The following ANGPT1 variants were observed in gnomAD, a reference collection of about 807,000 sequenced individuals.
ANGPT1 encodes angiopoietin 1, also known as angiopoietin-1.
Under a neutral mutation model 62.2 loss-of-function variants are expected in ANGPT1, and 17 were observed. That is an observed-to-expected ratio of 0.27 (90% CI 0.19 to 0.41). ANGPT1 has a LOEUF of 0.41. Ranked by LOEUF, ANGPT1 falls within the 10% of genes least tolerant of loss-of-function variation. The pLI, the probability that ANGPT1 is intolerant of heterozygous loss-of-function variation, is 1.00. For synonymous variants in ANGPT1, 199 were observed against 198.9 expected, an observed-to-expected ratio of 1.00 and a Z score of 0.00; for missense variants, 478 against 594.9, an observed-to-expected ratio of 0.80 and a Z score of 2.04.
intron 1 of ANGPT1, among the ~76,000 whole-genome samples, chr8:107,355,397 A>G (rs1816021844): frequency 6.6e-6 from 1 of 152,156 alleles, no homozygotes; most frequent in Non-Finnish European, 1.5e-5. Context: ...TGCCATAGCC[A>G]GTGGGATCAA....
intron 1 of ANGPT1, among the ~76,000 whole-genome samples, chr8:107,466,859 C>A (rs1052919594): frequency 2.0e-5 from 3 of 152,078 alleles, no homozygotes; most frequent in Admixed American, 2.0e-4. Context: ...TTGCAGTGAG[C>A]AGCAACTATG....
chr8:107,300,471 G>A (rs1173195903), intron 5 of ANGPT1, among the ~76,000 whole-genome samples: 1 of 151,688 alleles, frequency 6.6e-6, no homozygotes, highest in Non-Finnish European at 1.5e-5. Flanking sequence ...GAACATCTAA[G>A]TCCAGAAGAA....
At chr8:107,282,608 T>C (rs1814043515) in intron 7 of ANGPT1, among the ~76,000 whole-genome samples, 1 of 129,908 alleles carries the variant, frequency 7.7e-6, no homozygotes, top group African/African-American at 2.8e-5. Flanking sequence ...GCCTCAGCTT[T>C]CCTTCCCATA....
chr8:107,387,525 C>G (rs1007481136), intron 1 of ANGPT1, among the ~76,000 whole-genome samples: 1 of 151,882 alleles, frequency 6.6e-6, no homozygotes, highest in Non-Finnish European at 1.5e-5. Context: ...TATAATATTA[C>G]CAATGGTACA....
chr8:107,427,587 T>A (rs1018696367), intron 1 of ANGPT1, among the ~76,000 whole-genome samples: 1 of 152,220 alleles, frequency 6.6e-6, no homozygotes, highest in African/African-American at 2.4e-5. Context: ...TTGCTCCCCT[T>A]GTCCATAACA....
intron 1 of ANGPT1, among the ~76,000 whole-genome samples, chr8:107,379,430 G>A (rs1816592716): frequency 6.6e-6 from 1 of 152,120 alleles, no homozygotes; most frequent in Non-Finnish European, 1.5e-5. Flanking sequence ...TTAGAACACT[G>A]CCTGAGATAG....
At chr8:107,409,684 C>T (rs1031070083) in intron 1 of ANGPT1, among the ~76,000 whole-genome samples, 3 of 151,564 alleles carry the variant, frequency 2.0e-5, no homozygotes, top group African/African-American at 7.3e-5. Context: ...CATATATTTG[C>T]ATTTTAATTA....
chr8:107,430,307 T>C (rs1424040326), intron 1 of ANGPT1, among the ~76,000 whole-genome samples: 1 of 152,174 alleles, frequency 6.6e-6, no homozygotes, highest in Non-Finnish European at 1.5e-5. Flanking sequence ...TGAGAGAATG[T>C]TTGCGTGGTT....
At chr8:107,257,235 T>C (rs1167213903) in intron 8 of ANGPT1, among the ~76,000 whole-genome samples, 2 of 152,242 alleles carry the variant, frequency 1.3e-5, no homozygotes, top group African/African-American at 4.8e-5. Flanking sequence ...ACCTCATGTA[T>C]ATTTTAATAA....
At chr8:107,302,466 T>C (rs796083194) in intron 5 of ANGPT1, among the ~76,000 whole-genome samples, 5 of 152,042 alleles carry the variant, frequency 3.3e-5, no homozygotes, top group African/African-American at 1.2e-4. Context: ...TTTCTATCAC[T>C]ATACTTATTG....
chr8:107,299,534 TATAG>T (rs200081217), intron 5 of ANGPT1, among the ~76,000 whole-genome samples: 5,232 of 142,326 alleles, frequency 0.037, 307 homozygotes, highest in African/African-American at 0.12. Context: ...TAAGCATATA[TATAG>T]ATATTTAGAT....
chr8:107,285,403 G>A (rs765469688), intron 6 of ANGPT1, among the ~76,000 whole-genome samples: 5 of 152,024 alleles, frequency 3.3e-5, no homozygotes, highest in Admixed American at 1.3e-4. Context: ...CAAACTAATA[G>A]ATTACTAGAA....
At chr8:107,371,676 A>C (rs1816418250) in intron 1 of ANGPT1, among the ~76,000 whole-genome samples, 1 of 148,372 alleles carries the variant, frequency 6.7e-6, no homozygotes, top group Non-Finnish European at 1.5e-5. Flanking sequence ...TCCCAGGTTC[A>C]AGTGATTCTC....
chr8:107,469,268 T>A (rs1412402299), intron 1 of ANGPT1, among the ~76,000 whole-genome samples: 3 of 152,022 alleles, frequency 2.0e-5, no homozygotes, highest in Non-Finnish European at 4.4e-5. Context: ...TATTTTGTAT[T>A]CTCATTGTCC....
In ANGPT1 at chr8:107,289,535, C is replaced by T. The variant is rs115430587; in HGVS notation, c.1038+4401G>A. ...GTGGCTTTCAGGGCACTTTCATATG[C>T]AGTTAAATTGTGCATCTCCTCTAAA... On this transcript the variant is annotated intron_variant, in intron 6 of 8. Transcript: ENST00000517746. 8.9e-3 allele frequency among the ~76,000 whole-genome samples: 1,361 copies of T among 152,144 alleles called. 20 individuals carry two copies. Among genetic ancestry groups the T allele is most frequent in the African/African-American group, 0.031 (1,274 of 41,490 alleles).
chr8:107,270,763 T>C (rs1813715916), intron 7 of ANGPT1, among the ~76,000 whole-genome samples: 1 of 152,028 alleles, frequency 6.6e-6, no homozygotes, highest in Non-Finnish European at 1.5e-5. Flanking sequence ...GCAAAGTTAA[T>C]ACACTTACGA....
At chr8:107,464,022 T>A (rs1470588173) in intron 1 of ANGPT1, among the ~76,000 whole-genome samples, 1 of 152,210 alleles carries the variant, frequency 6.6e-6, no homozygotes, top group Non-Finnish European at 1.5e-5. Flanking sequence ...TCAGTTTAGA[T>A]CTGGCAATAA....
chr8:107,382,137 T>C (rs1631592), intron 1 of ANGPT1, among the ~76,000 whole-genome samples: 72,443 of 152,012 alleles, frequency 0.48, 19,117 homozygotes, highest in Non-Finnish European at 0.59. Context: ...TCTGCACCAA[T>C]TTAATATTTC....
chr8:107,334,544 T>A (rs1250776294), intron 3 of ANGPT1, among the ~76,000 whole-genome samples: 1 of 150,368 alleles, frequency 6.7e-6, no homozygotes, highest in African/African-American at 2.5e-5. Context: ...TTTTTTTTTG[T>A]CCTTATGCTA....
Sources: allele counts gnomAD v4.1 joint callset (sites outside exome capture counted in the v4.1 genomes callset), GRCh38; gene constraint gnomAD v4.1.1; transcripts MANE v1.5; gene names NCBI Gene and HGNC (gene_info 2026-07-23, HGNC 2026-07-21).